The following B3GALT1 variants were observed in gnomAD, a reference collection of about 807,000 sequenced individuals.
B3GALT1 encodes the protein beta-1,3-galactosyltransferase 1, also known as UDP-Gal:betaGlcNAc beta 1,3-galactosyltransferase, polypeptide 1.
In B3GALT1, 10 loss-of-function variants were observed where a neutral mutation model predicts 23.2. The ratio of observed to expected loss-of-function variants is 0.43; its 90% CI spans 0.27 to 0.73. B3GALT1 has a LOEUF of 0.73. Among genes scored for constraint, B3GALT1 ranks in the 30% least tolerant of loss-of-function variants. The pLI, the probability that B3GALT1 is intolerant of heterozygous loss-of-function variation, is 0.21. For missense variants in B3GALT1, 299 were observed against 405.4 expected (o/e 0.74, Z 2.25); for synonymous variants, 156 against 141.5 (o/e 1.10, Z -0.73).
At position 167,822,324 on chromosome 2, in the gene B3GALT1, G is replaced by C. The variant is rs116344431; in HGVS notation, c.-230+3531G>C. Among the ~76,000 whole-genome samples, 1,138 of 152,212 alleles carry C rather than the reference G, an allele frequency of 7.5e-3. 20 individuals are homozygous for C. Among genetic ancestry groups the C allele is most frequent in the African/African-American group, 0.026 (1,078 of 41,526 alleles). ...AGAGGTGCTAAACTAAACAGAGCTGGTTATAATAGGCTGTACTTTGCTAAC... is the reference window on the plus strand; with the variant it reads ...AGAGGTGCTAAACTAAACAGAGCTGCTTATAATAGGCTGTACTTTGCTAAC... On this transcript the variant is annotated intron_variant, in intron 4 of 4. Transcript: ENST00000392690.
intron 2 of B3GALT1, among the ~76,000 whole-genome samples, chr2:167,568,420 A>G (rs941538910): frequency 6.6e-6 from 1 of 151,958 alleles, no homozygotes; most frequent in Non-Finnish European, 1.5e-5. Flanking sequence ...AGTGTTCTAG[A>G]TTTTGGTCAT....
chr2:167,768,083 C>T (rs1386188366), intron 3 of B3GALT1, among the ~76,000 whole-genome samples: 2 of 152,148 alleles, frequency 1.3e-5, no homozygotes, highest in Admixed American at 6.5e-5. Context: ...ATGGGGCCCA[C>T]CCACTTTGAG....
intron 2 of B3GALT1, among the ~76,000 whole-genome samples, chr2:167,563,222 G>T (rs1286623050): frequency 1.3e-5 from 2 of 150,090 alleles, no homozygotes; most frequent in Admixed American, 6.6e-5. Flanking sequence ...CCCAGCAGGT[G>T]CAGCCGGGCA....
At chr2:167,295,436 TGTTA>T (rs2105476072) in intron 1 of B3GALT1, among the ~76,000 whole-genome samples, 1 of 152,384 alleles carries the variant, frequency 6.6e-6, no homozygotes, top group Admixed American at 6.5e-5. Flanking sequence ...AAGCAGTTTA[TGTTA>T]GTTTTGTGTT....
At chr2:167,421,428 A>G (rs978739437) in intron 1 of B3GALT1, among the ~76,000 whole-genome samples, 1 of 152,212 alleles carries the variant, frequency 6.6e-6, no homozygotes, top group South Asian at 2.1e-4. Flanking sequence ...AATGGTTAAT[A>G]ACAGTGTAAA....
At chr2:167,577,842 C>T (rs1183682906) in intron 2 of B3GALT1, among the ~76,000 whole-genome samples, 1 of 151,536 alleles carries the variant, frequency 6.6e-6, no homozygotes, top group African/African-American at 2.4e-5. Context: ...AACCTAGCTA[C>T]TCTATATTAA....
chr2:167,703,912 T>G (rs1686923181), intron 3 of B3GALT1, among the ~76,000 whole-genome samples: 1 of 152,114 alleles, frequency 6.6e-6, no homozygotes, highest in Non-Finnish European at 1.5e-5. Flanking sequence ...CCCGGCGCGG[T>G]GGCTCACACC....
chr2:167,507,437 T>A (rs529429877), intron 2 of B3GALT1, among the ~76,000 whole-genome samples: 2 of 136,274 alleles, frequency 1.5e-5, no homozygotes, highest in Non-Finnish European at 3.0e-5. Context: ...ACCAGGGAGT[T>A]GGAGGTTGCA....
chr2:167,494,980 A>G (rs1344663660), intron 2 of B3GALT1, among the ~76,000 whole-genome samples: 1 of 152,202 alleles, frequency 6.6e-6, no homozygotes, highest in Non-Finnish European at 1.5e-5. Context: ...TGTGGGGTAG[A>G]CAATTTCTGT....
chr2:167,581,371 A>G (rs1191354643), intron 2 of B3GALT1, among the ~76,000 whole-genome samples: 4 of 152,244 alleles, frequency 2.6e-5, no homozygotes. Context: ...ATTGCTAATA[A>G]TCATTAGAAT....
chr2:167,839,465 T>G (rs1486972321), intron 4 of B3GALT1, among the ~76,000 whole-genome samples: 1 of 152,322 alleles, frequency 6.6e-6, no homozygotes, highest in African/African-American at 2.4e-5. Context: ...GGAATCCAAC[T>G]TACAAGGGAT....
chr2:167,732,235 T>C (rs1358045326), intron 3 of B3GALT1, among the ~76,000 whole-genome samples: 1 of 152,214 alleles, frequency 6.6e-6, no homozygotes, highest in Non-Finnish European at 1.5e-5. Context: ...TTAAGAGGCA[T>C]AAAATTGTAA....
At chr2:167,394,649 C>T (rs1698067988) in intron 1 of B3GALT1, among the ~76,000 whole-genome samples, 1 of 151,778 alleles carries the variant, frequency 6.6e-6, no homozygotes, top group African/African-American at 2.4e-5. Flanking sequence ...CGTAACTAAG[C>T]GATAGGCAAA....
intron 1 of B3GALT1, among the ~76,000 whole-genome samples, chr2:167,410,646 C>A (rs564640772): frequency 6.6e-6 from 1 of 152,022 alleles, no homozygotes; most frequent in East Asian, 1.9e-4. Context: ...GGGCTTAAAA[C>A]CTAGATGATG....
At chr2:167,635,181 G>A (rs1292734332) in intron 2 of B3GALT1, among the ~76,000 whole-genome samples, 1 of 152,042 alleles carries the variant, frequency 6.6e-6, no homozygotes, top group Non-Finnish European at 1.5e-5. Context: ...CAATAAACTA[G>A]GTATTGATGG....
At chr2:167,812,990 A>ACCACC (rs1688921493) in intron 3 of B3GALT1, among the ~76,000 whole-genome samples, 1 of 55,304 alleles carries the variant, frequency 1.8e-5, no homozygotes, top group Non-Finnish European at 3.2e-5. Flanking sequence ...CACCACCACC[A>ACCACC]CCCCCACCCC....
intron 1 of B3GALT1, among the ~76,000 whole-genome samples, chr2:167,345,753 A>G (rs890923323): frequency 2.0e-5 from 3 of 152,160 alleles, no homozygotes; most frequent in Non-Finnish European, 2.9e-5. Flanking sequence ...GTTAAAATAT[A>G]GTGTGCTGTG....
chr2:167,495,326 CTTTT>C (rs954749958), intron 2 of B3GALT1, among the ~76,000 whole-genome samples: 6 of 57,886 alleles, frequency 1.0e-4, no homozygotes, highest in Non-Finnish European at 1.5e-4. Context: ...GCTTGCTTGC[CTTTT>C]TTTTTTTTTT....
At chr2:167,777,578 C>T (rs1194822095) in intron 3 of B3GALT1, among the ~76,000 whole-genome samples, 3 of 152,138 alleles carry the variant, frequency 2.0e-5, no homozygotes, top group Admixed American at 6.5e-5. Flanking sequence ...AAACTCCTGA[C>T]CTCAGGTGAT....
Sources: allele counts gnomAD v4.1 joint callset (sites outside exome capture counted in the v4.1 genomes callset), GRCh38; gene constraint gnomAD v4.1.1; transcripts MANE v1.5; gene names NCBI Gene and HGNC (gene_info 2026-07-23, HGNC 2026-07-21).